CNTNAP2: variants seen among roughly 807,000 people sequenced by gnomAD.
CNTNAP2 encodes contactin associated protein 2.
CNTNAP2 carries 98 observed loss-of-function variants against 155.2 expected under a neutral mutation model. That is an observed-to-expected ratio of 0.63 (90% CI 0.54 to 0.75). The LOEUF (loss-of-function observed/expected upper bound fraction) is 0.75, where lower values mean the gene tolerates loss of function less well. CNTNAP2 is among the 30% of genes least tolerant of loss of function. The pLI is 0.00. For missense variants in CNTNAP2, 1,727 were observed against 1,688.1 expected, an observed-to-expected ratio of 1.02 and a Z score of -0.40; for synonymous variants, 651 against 631.2, an observed-to-expected ratio of 1.03 and a Z score of -0.47.
chr7:147,003,333 C>G (rs751545566), intron 3 of CNTNAP2, among the ~76,000 whole-genome samples: 2 of 150,516 alleles, frequency 1.3e-5, no homozygotes. Flanking sequence ...ATAGGCAAAC[C>G]AACCCCCCCC....
At chr7:147,765,349 T>A (rs1797366825) in intron 13 of CNTNAP2, among the ~76,000 whole-genome samples, 1 of 152,178 alleles carries the variant, frequency 6.6e-6, no homozygotes, top group African/African-American at 2.4e-5. Context: ...AATCACATGG[T>A]GAATAAATAC....
intron 1 of CNTNAP2, among the ~76,000 whole-genome samples, chr7:146,673,769 A>G (rs1360511033): frequency 2.0e-5 from 3 of 151,958 alleles, no homozygotes; most frequent in African/African-American, 7.2e-5. Flanking sequence ...TTTTCTAGAG[A>G]TAGAGGTCTT....
chr7:148,308,846 G>C lies in CNTNAP2; in HGVS notation c.3475+41720G>C, dbSNP rs948227602. ...GCAGTGTTTGGTTTTCTGTTCTTGG[G>C]TTAGTTTGCTGAGAATGATGGTTTC... is the stretch of plus-strand genomic sequence containing the variant. On this transcript the variant is annotated intron_variant, in intron 21 of 23. Coordinates refer to ENST00000361727, the MANE Select transcript of CNTNAP2 (RefSeq NM_014141.6). Among the ~76,000 whole-genome samples, 3 of 152,036 alleles carry C rather than the reference G, an allele frequency of 2.0e-5. No homozygotes were observed. In the East Asian group the frequency reaches 5.8e-4, roughly 29 times the overall value.
intron 18 of CNTNAP2, among the ~76,000 whole-genome samples, chr7:148,179,905 G>T (rs1010614595): frequency 3.3e-5 from 5 of 152,184 alleles, no homozygotes; most frequent in African/African-American, 1.2e-4. Context: ...TTGGATGTGA[G>T]GTAGTGGGTT....
chr7:146,358,120 C>T (rs71530734), intron 1 of CNTNAP2, among the ~76,000 whole-genome samples: 8 of 151,944 alleles, frequency 5.3e-5, no homozygotes, highest in Non-Finnish European at 7.4e-5. Flanking sequence ...CTGCAAGCTC[C>T]GCCTGCCGGG....
chr7:148,042,232 A>G (rs1309594209), intron 15 of CNTNAP2, among the ~76,000 whole-genome samples: 1 of 152,268 alleles, frequency 6.6e-6, no homozygotes, highest in Non-Finnish European at 1.5e-5. Context: ...AGCATTAAGT[A>G]GAGTCACGTT....
chr7:148,156,624 C>T (rs1805404042), intron 17 of CNTNAP2, among the ~76,000 whole-genome samples: 1 of 152,092 alleles, frequency 6.6e-6, no homozygotes, highest in Admixed American at 6.5e-5. Context: ...ATCTCCAGGC[C>T]TCTCTTCTCT....
At chr7:147,167,529 T>C in intron 8 of CNTNAP2, 1 of 813,842 alleles carries the variant, frequency 1.2e-6, no homozygotes, top group Non-Finnish European at 2.0e-6. Context: ...TAAGCATGAC[T>C]TAGAGGTTCT....
intron 14 of CNTNAP2, among the ~76,000 whole-genome samples, chr7:147,926,627 A>G (rs556990285): frequency 4.1e-4 from 63 of 152,364 alleles, no homozygotes; most frequent in African/African-American, 1.4e-3. Flanking sequence ...TGACTGGTAT[A>G]CAGATTACAG....
chr7:146,167,598 TCTAGTAC>T (rs1479030746), intron 1 of CNTNAP2, among the ~76,000 whole-genome samples: 3 of 152,324 alleles, frequency 2.0e-5, no homozygotes, highest in Admixed American at 2.0e-4. Context: ...TTGATCTTCT[TCTAGTAC>T]AACTATATCT....
chr7:146,598,304 T>G (rs1441227899), intron 1 of CNTNAP2, among the ~76,000 whole-genome samples: 1 of 152,130 alleles, frequency 6.6e-6, no homozygotes, highest in Admixed American at 6.6e-5. Flanking sequence ...AACATGCTGT[T>G]ATTTTTCCTT....
At chr7:148,029,389 C>A (rs1179765320) in intron 15 of CNTNAP2, among the ~76,000 whole-genome samples, 1 of 152,092 alleles carries the variant, frequency 6.6e-6, no homozygotes. Context: ...TTGCCCCCAA[C>A]AATAGGTGTG....
At chr7:147,076,511 C>A (rs998168746) in intron 4 of CNTNAP2, among the ~76,000 whole-genome samples, 1 of 152,046 alleles carries the variant, frequency 6.6e-6, no homozygotes, top group Non-Finnish European at 1.5e-5. Flanking sequence ...TGTTTAAGTT[C>A]TTTGTAGATT....
chr7:147,944,540 T>C (rs1326783171), intron 14 of CNTNAP2, among the ~76,000 whole-genome samples: 3 of 152,248 alleles, frequency 2.0e-5, no homozygotes, highest in Non-Finnish European at 4.4e-5. Flanking sequence ...AAGAGACATA[T>C]GCCCATGTTT....
At chr7:148,306,501 G>T (rs1204295644) in intron 21 of CNTNAP2, among the ~76,000 whole-genome samples, 1 of 152,060 alleles carries the variant, frequency 6.6e-6, no homozygotes, top group Non-Finnish European at 1.5e-5. Context: ...TTCTTTGGCT[G>T]TTGTTTCCCC....
chr7:146,758,554 TTG>T, intron 1 of CNTNAP2, among the ~76,000 whole-genome samples: 2 of 152,198 alleles, frequency 1.3e-5, no homozygotes, highest in South Asian at 4.1e-4. Flanking sequence ...TGGGGAGGCT[TTG>T]CAATCATGGC....
chr7:148,065,278 G>A, intron 15 of CNTNAP2, among the ~76,000 whole-genome samples: 1 of 152,058 alleles, frequency 6.6e-6, no homozygotes, highest in Non-Finnish European at 1.5e-5. Flanking sequence ...GTTGTTGGGT[G>A]GAATGTTCTG....
intron 8 of CNTNAP2, among the ~76,000 whole-genome samples, chr7:147,189,069 C>T (rs964013113): frequency 6.6e-6 from 1 of 152,172 alleles, no homozygotes; most frequent in African/African-American, 2.4e-5. Flanking sequence ...GACAACTTGT[C>T]AGGCACCTAC....
At chr7:147,880,931 A>G (rs1799510069) in intron 13 of CNTNAP2, among the ~76,000 whole-genome samples, 1 of 149,556 alleles carries the variant, frequency 6.7e-6, no homozygotes, top group Non-Finnish European at 1.5e-5. Context: ...TGCCAGTGGG[A>G]GGAATCCTAA....
Sources: allele counts gnomAD v4.1 joint callset (sites outside exome capture counted in the v4.1 genomes callset), GRCh38; gene constraint gnomAD v4.1.1; transcripts MANE v1.5; gene names NCBI Gene and HGNC (gene_info 2026-07-23, HGNC 2026-07-21).